ECHDC1: variants seen among roughly 807,000 people sequenced by gnomAD.
ECHDC1 encodes the protein ethylmalonyl-CoA decarboxylase.
A neutral mutation model predicts 29.7 loss-of-function variants in ECHDC1; 29 were observed. The ratio of observed to expected loss-of-function variants is 0.98; its 90% CI spans 0.73 to 1.33. The LOEUF (loss-of-function observed/expected upper bound fraction) is 1.33. Ranked by LOEUF, ECHDC1 falls within the 40% of genes most tolerant of loss-of-function variation. The pLI is 0.00. For missense variants in ECHDC1, 328 were observed against 350.0 expected, an observed-to-expected ratio of 0.94 and a Z score of 0.50; for synonymous variants, 126 against 123.1, an observed-to-expected ratio of 1.02 and a Z score of -0.15.
At chr6:127,311,827 C>T (rs917566174) in intron 5 of ECHDC1, among the ~76,000 whole-genome samples, 1 of 144,974 alleles carries the variant, frequency 6.9e-6, no homozygotes, top group African/African-American at 2.5e-5. Context: ...ATGAAAAAAA[C>T]TGAATGAGGT....
At chr6:127,320,553 T>C (rs951338245) in intron 3 of ECHDC1, among the ~76,000 whole-genome samples, 3 of 152,228 alleles carry the variant, frequency 2.0e-5, no homozygotes, top group African/African-American at 4.8e-5. Flanking sequence ...TACTGATCCA[T>C]TGAAGACTAA....
At chr6:127,342,503 G>T (rs1785043236) in intron 1 of ECHDC1, 2 of 795,392 alleles carry the variant, frequency 2.5e-6, no homozygotes, top group African/African-American at 1.7e-5. Flanking sequence ...TTACTGCGCT[G>T]CTCCCTCCCC....
At chr6:127,336,176 T>C (rs1393105131) in intron 1 of ECHDC1, among the ~76,000 whole-genome samples, 2 of 152,098 alleles carry the variant, frequency 1.3e-5, no homozygotes, top group Non-Finnish European at 2.9e-5. Context: ...TCACAGATGT[T>C]CTCACCACCT....
intron 4 of ECHDC1, chr6:127,316,216 T>A (rs1180025583): frequency 4.2e-6 from 2 of 471,958 alleles, no homozygotes; most frequent in South Asian, 4.3e-5. Flanking sequence ...CTTTAGGGGA[T>A]ATGTCTTAAA....
intron 1 of ECHDC1, among the ~76,000 whole-genome samples, chr6:127,339,307 A>C (rs1278343351): frequency 6.7e-6 from 1 of 149,656 alleles, no homozygotes; most frequent in East Asian, 1.9e-4. Flanking sequence ...GTAGCATTTT[A>C]GGGGTGATCA....
At chr6:127,329,548 A>G (rs771865188) in intron 2 of ECHDC1, among the ~76,000 whole-genome samples, 3 of 152,204 alleles carry the variant, frequency 2.0e-5, no homozygotes, top group Non-Finnish European at 4.4e-5. Flanking sequence ...AAAGTCTAAT[A>G]AGGTAGTCAC....
rs138621333 is a variant in ECHDC1, at chr6:127,301,841, C to T, written c.498-11564G>A. Among the ~76,000 whole-genome samples the T allele has an allele frequency of 4.7e-4, 72 of 152,200 alleles. 2 individuals carry two copies. The East Asian group carries it at 0.013, about 28-fold the overall frequency. The stretch of plus-strand genomic sequence containing the variant: ...AGACCAATAATTTTGTAAAATATAA[C>T]AAAAACATATTACTAGAAAAATGAA... On this transcript the variant is annotated intron_variant, in intron 5 of 5. Transcript: ENST00000454859.
chr6:127,336,533 A>G (rs1784440337), intron 1 of ECHDC1, among the ~76,000 whole-genome samples: 1 of 152,208 alleles, frequency 6.6e-6, no homozygotes, highest in Non-Finnish European at 1.5e-5. Context: ...TGAAATTATT[A>G]CCATTAGTTA....
chr6:127,311,087 C>T (rs890081874), intron 5 of ECHDC1, among the ~76,000 whole-genome samples: 11 of 152,040 alleles, frequency 7.2e-5, no homozygotes, highest in African/African-American at 2.7e-4. Context: ...CCAAACAGTT[C>T]GTGTGACTCA....
At chr6:127,324,260 A>G (rs1167102052) in intron 3 of ECHDC1, among the ~76,000 whole-genome samples, 2 of 152,178 alleles carry the variant, frequency 1.3e-5, no homozygotes, top group African/African-American at 4.8e-5. Flanking sequence ...ACTAATTTAT[A>G]TTACCTATTT....
At chr6:127,295,726 A>G (rs888072261) in intron 5 of ECHDC1, among the ~76,000 whole-genome samples, 2 of 152,246 alleles carry the variant, frequency 1.3e-5, no homozygotes, top group African/African-American at 4.8e-5. Context: ...AGCCTTGAAC[A>G]CTGCATATCC....
At chr6:127,325,166 C>T (rs1206077221) in intron 3 of ECHDC1, among the ~76,000 whole-genome samples, 2 of 152,148 alleles carry the variant, frequency 1.3e-5, no homozygotes, top group Non-Finnish European at 1.5e-5. Flanking sequence ...TCTCAGAATC[C>T]CATAACCCCA....
In ECHDC1 at chr6:127,289,793, A is replaced by T. The variant is rs1297813775; in HGVS notation, c.*76T>A. ...AGCCTTCAAAGTAATTCTGATGTTC[A>T]TATTTAATATCATTTAACATTTATA... On this transcript the variant is annotated 3_prime_UTR_variant, in exon 6 of 6. Coordinates refer to ENST00000454859, the MANE Select transcript of ECHDC1 (RefSeq NM_001002030.2). The T allele has an allele frequency of 2.2e-6, 3 of 1,371,524 alleles. No homozygotes were observed. In the East Asian group the frequency reaches 7.0e-5, roughly 32 times the overall value. The allele number at this position is 1,371,524 out of a possible 1,614,324, so 85.0% of individuals were successfully genotyped here. A position where few individuals can be genotyped will look rare whatever the true frequency, so the allele number is the denominator to read the frequency against.
chr6:127,343,198 C>T (rs1364659606), intron 1 of ECHDC1, 138 bp downstream of exon 1: 2 of 152,160 alleles, frequency 1.3e-5, no homozygotes, highest in African/African-American at 4.8e-5. Flanking sequence ...AGGGACAAGC[C>T]GCGGAGCCGG....
In ECHDC1 at chr6:127,289,950, G is replaced by C. The variant is rs761638659; in HGVS notation, c.825C>G (p.Asn275Lys). Residue 275 changes from asparagine to lysine, a missense_variant, in exon 6 of 6, where the codon AAC (asparagine) becomes AAG (lysine). Asn to Lys is a moderately conservative substitution (Grantham distance 94). Coordinates refer to ENST00000454859, the MANE Select transcript of ECHDC1 (RefSeq NM_001002030.2). ...RELYLEEALQ[N>K]ERDLLGTVWG... ...AAACTGTTCCTAAAAGATCTCTTTCGTTCTGTAATGCTTCCTCCAAATATA... is the reference window on the plus strand; with the variant it reads ...AAACTGTTCCTAAAAGATCTCTTTCCTTCTGTAATGCTTCCTCCAAATATA... 2 of 1,613,504 alleles carry C rather than the reference G, an allele frequency of 1.2e-6. No homozygotes were observed. Among genetic ancestry groups the C allele is most frequent in the Non-Finnish European group, 1.7e-6 (2 of 1,179,674 alleles).
At chr6:127,338,950 T>A (rs1784674563) in intron 1 of ECHDC1, among the ~76,000 whole-genome samples, 1 of 152,206 alleles carries the variant, frequency 6.6e-6, no homozygotes, top group African/African-American at 2.4e-5. Context: ...TGTTGTTCTT[T>A]AAATTCATCT....
At chr6:127,341,310 T>A (rs1490398132) in intron 1 of ECHDC1, among the ~76,000 whole-genome samples, 4 of 152,204 alleles carry the variant, frequency 2.6e-5, no homozygotes, top group African/African-American at 7.2e-5. Flanking sequence ...ATGTACACTT[T>A]CGTCCCAGTT....
intron 5 of ECHDC1, among the ~76,000 whole-genome samples, chr6:127,304,192 C>CAGAG (rs141653417): frequency 3.3e-5 from 5 of 151,086 alleles, no homozygotes; most frequent in Non-Finnish European, 7.4e-5. Flanking sequence ...CGGGGCTCAG[C>CAGAG]AGAGAGAGAG....
chr6:127,323,176 TTATA>T (rs954080063), intron 3 of ECHDC1, among the ~76,000 whole-genome samples: 2 of 151,470 alleles, frequency 1.3e-5, no homozygotes, highest in Non-Finnish European at 2.9e-5. Context: ...GGATATCTCA[TTATA>T]TATATATATG....
Sources: allele counts gnomAD v4.1 joint callset (sites outside exome capture counted in the v4.1 genomes callset), GRCh38; gene constraint gnomAD v4.1.1; transcripts MANE v1.5; gene names NCBI Gene and HGNC (gene_info 2026-07-23, HGNC 2026-07-21).